Variants in DDIT3 observed in about 807,000 individuals in gnomAD.
DDIT3 encodes the protein DNA damage inducible transcript 3.
In DDIT3, 14 loss-of-function variants were observed where a neutral mutation model predicts 17.6. The observed-to-expected ratio is 0.80, with a 90% CI of 0.53 to 1.25. The LOEUF (loss-of-function observed/expected upper bound fraction) is 1.25. Ranked by LOEUF, DDIT3 falls within the 50% of genes most tolerant of loss-of-function variation. The pLI, the probability that DDIT3 is intolerant of heterozygous loss-of-function variation, is 0.00. For synonymous variants in DDIT3, 93 were observed against 76.5 expected (o/e 1.22, Z -1.13); for missense variants, 216 against 202.7 (o/e 1.07, Z -0.40).
In DDIT3 at chr12:57,517,818, T is replaced by C. The variant is rs1194074753; in HGVS notation, c.-80-65A>G. ...GGGGAGAGGCAACTTACTTTTCTTT[T>C]TCTTTTTTTCTTTCTTTTTTTTTTT... is the stretch of plus-strand genomic sequence containing the variant. On this transcript the variant is annotated intron_variant, in intron 1 of 3. Transcript: ENST00000346473. 7 of 429,016 alleles carry C rather than the reference T, an allele frequency of 1.6e-5. No homozygotes were observed. In the East Asian group the frequency reaches 2.1e-4, roughly 13 times the overall value. 26.6% of individuals were successfully genotyped at this position (429,016 alleles called of 1,614,324 possible).
At chr12:57,517,205 C>CA in intron 3 of DDIT3, 25 bp from the exon 4 acceptor site, 1 of 1,610,308 alleles carries the variant, frequency 6.2e-7, no homozygotes, top group Non-Finnish European at 8.5e-7. Flanking sequence ...GGAAAGGGAA[C>CA]ATAGATATTA....
At chr12:57,520,315 G>C (rs966483347) in intron 1 of DDIT3, 103 bp downstream of exon 1, 17 of 397,632 alleles carry the variant, frequency 4.3e-5, no homozygotes, top group Admixed American at 2.6e-4. Context: ...TCTCTCGGAC[G>C]GTCCCTAACT....
chr12:57,517,028 T>TTCC lies in DDIT3; in HGVS notation c.288_290dup (p.Glu97dup). 6.2e-7 allele frequency: 1 copy of TTCC among 1,614,154 alleles called. No individual in the cohort carries two copies. On this transcript the variant is annotated inframe_insertion, in exon 4 of 4. Transcript: ENST00000346473. ...TCCGTTTCCTGGTTCTCCCTTGGTC[T>TTCC]TCCTCCTCTTCCTCCTGAGCCAGGG...
chr12:57,517,450 T>C lies in DDIT3; in HGVS notation c.-32-12A>G. On this transcript the variant is annotated splice_polypyrimidine_tract_variant and intron_variant, in intron 2 of 3. Transcript: ENST00000346473. ...CTGGAAAAGCACATCTGCAGGATAA[T>C]GGGGAGTGGCTGGAACAAGCTCCAT... is the stretch of plus-strand genomic sequence containing the variant. 6.2e-7 allele frequency: 1 copy of C among 1,601,142 alleles called. No homozygotes were observed. Among genetic ancestry groups the C allele is most frequent in the Middle Eastern group, 1.7e-4 (1 of 6,060 alleles).
Position 57,516,594 on chromosome 12 carries a change from C to T in DDIT3, c.*215G>A, listed in dbSNP as rs767628112. On this transcript the variant is annotated 3_prime_UTR_variant, in exon 4 of 4. Transcript: ENST00000346473. ...GAAGAAAAAGTAAAAGACCTTGGCT[C>T]ATAGAAAGTCACTTTAATAGATAGG... 1 of 1,559,838 alleles carries T rather than the reference C, an allele frequency of 6.4e-7. No individual in the cohort carries two copies. The highest frequency in any genetic ancestry group is 1.2e-5 in the South Asian group (1 of 82,088).
chr12:57,519,664 C>A (rs757039600), intron 1 of DDIT3, among the ~76,000 whole-genome samples: 6 of 152,222 alleles, frequency 3.9e-5, no homozygotes, highest in Admixed American at 6.5e-5. Context: ...GGTCAGAAGG[C>A]TGCAGAGCCA....
chr12:57,519,509 C>T (rs1878132482), intron 1 of DDIT3, among the ~76,000 whole-genome samples: 1 of 152,220 alleles, frequency 6.6e-6, no homozygotes, highest in Non-Finnish European at 1.5e-5. Context: ...AGGGAAGGGG[C>T]AGAAGCAGAG....
Position 57,516,646 on chromosome 12 carries a change from CTA to C in DDIT3, c.*161_*162del. The C allele has an allele frequency of 6.5e-7, 1 of 1,527,646 alleles. No individual in the cohort carries two copies. Among genetic ancestry groups the C allele is most frequent in the East Asian group, 2.3e-5 (1 of 44,168 alleles). The allele number at this position is 1,527,646 out of a possible 1,614,324, so 94.6% of individuals were successfully genotyped here. A position where few individuals can be genotyped will look rare whatever the true frequency, so the allele number is the denominator to read the frequency against. On this transcript the variant is annotated 3_prime_UTR_variant, in exon 4 of 4. Transcript: ENST00000346473. ...ACAGTAATAAATAAATGTACAATCT[CTA>C]TATACAAGCTGAGACCTTTCCTTTT...
In DDIT3 at chr12:57,516,719, A is replaced by G. The variant is rs1877867340; in HGVS notation, c.*90T>C. On this transcript the variant is annotated 3_prime_UTR_variant, in exon 4 of 4. Coordinates refer to ENST00000346473, the MANE Select transcript of DDIT3 (RefSeq NM_004083.6). ...CTGCGTATGTGGGATTGAGGGTCAC[A>G]TCATTGGCACTAGTGAGAGGGTAGT... 6.5e-6 allele frequency: 10 copies of G among 1,548,424 alleles called. No individual in the cohort carries two copies. The Admixed American group carries it at 1.1e-4, about 18-fold the overall frequency.
intron 3 of DDIT3, 33 bp downstream of exon 3, chr12:57,517,236 A>G (rs1264278609): frequency 6.2e-7 from 1 of 1,612,088 alleles, no homozygotes; most frequent in Admixed American, 1.7e-5. Context: ...GAAAGGTAAC[A>G]TCCCCCTTTA....
chr12:57,520,355 A>G, intron 1 of DDIT3, 63 bp downstream of exon 1: 1 of 398,522 alleles, frequency 2.5e-6, no homozygotes, highest in Non-Finnish European at 4.4e-6. Flanking sequence ...CCGATCCTAA[A>G]GAGCGGACGC....
At chr12:57,519,268 C>T (rs773269420) in intron 1 of DDIT3, 3 of 521,136 alleles carry the variant, frequency 5.8e-6, no homozygotes, top group Non-Finnish European at 1.2e-5. Context: ...AAGGTAATTC[C>T]TGACCACCTG....
At chr12:57,520,379 A>G in intron 1 of DDIT3, 39 bp downstream of exon 1, 1 of 398,560 alleles carries the variant, frequency 2.5e-6, no homozygotes, top group East Asian at 3.6e-5. Context: ...AACTTTGAGG[A>G]GACGGGAGGG....
chr12:57,517,160 G>A lies in DDIT3; in HGVS notation c.159C>T (p.Thr53=). ...AAGCCAGAGAAGCAGGGTCAAGAGT[G>A]GTGAAGATTTTTGATTCTTCCTTCA... ...GNEEEESKIF[T]TLDPASLAWL... is the part of the protein sequence containing the mutation. The change falls in exon 4 of 4, where the codon ACC becomes ACT. Residue 53 remains threonine, a synonymous_variant. Coordinates refer to ENST00000346473, the MANE Select transcript of DDIT3 (RefSeq NM_004083.6). 1 of 1,607,762 alleles carries A rather than the reference G, an allele frequency of 6.2e-7. No individual in the cohort carries two copies. The highest frequency in any genetic ancestry group is 1.7e-5 in the Admixed American group (1 of 59,304).
At chr12:57,517,202 G>A (rs1386372374) in intron 3 of DDIT3, 22 bp from the exon 4 acceptor site, 26 of 1,610,376 alleles carry the variant, frequency 1.6e-5, no homozygotes, top group Non-Finnish European at 2.2e-5. Context: ...TGAGGAAAGG[G>A]AACATAGATA....
At chr12:57,517,569 T>C (rs1158837991) in intron 2 of DDIT3, 131 bp from the exon 3 acceptor site, 2 of 950,876 alleles carry the variant, frequency 2.1e-6, no homozygotes, top group Admixed American at 4.1e-5. Context: ...TCTGTTTATT[T>C]ACATATTGTT....
chr12:57,519,386 T>G (rs1335747266), intron 1 of DDIT3: 1 of 367,396 alleles, frequency 2.7e-6, no homozygotes, highest in African/African-American at 2.1e-5. Context: ...CTGAGATGAT[T>G]TTTTCCTCTT....
chr12:57,519,090 C>T, intron 1 of DDIT3: 1 of 530,958 alleles, frequency 1.9e-6, no homozygotes, highest in South Asian at 1.4e-5. Context: ...TTTCTGACTG[C>T]AGAAGGTCTT....
At position 57,516,849 on chromosome 12, in the gene DDIT3, C is replaced by G; in HGVS notation, c.470G>C (p.Arg157Pro). ...ATTCACCATTCGGTCAATCAGAGCT[C>G]GGCGAGTCGCCTCTACTTCCCTGGT... ...RLTREVEATR[R>P]ALIDRMVNLH... The change falls in exon 4 of 4, where the codon CGA (arginine) becomes CCA (proline). Residue 157 changes from arginine to proline, a missense_variant. By Grantham distance (103) the Arg-to-Pro change is moderately radical (BLOSUM62 -2). Transcript: ENST00000346473. 1 of 1,612,764 alleles carries G rather than the reference C, an allele frequency of 6.2e-7. No individual in the cohort carries two copies. The highest frequency in any genetic ancestry group is 8.5e-7 in the Non-Finnish European group (1 of 1,180,018).
Sources: allele counts gnomAD v4.1 joint callset (sites outside exome capture counted in the v4.1 genomes callset), GRCh38; gene constraint gnomAD v4.1.1; transcripts MANE v1.5; gene names NCBI Gene and HGNC (gene_info 2026-07-23, HGNC 2026-07-21).